The following SORCS1 variants were observed in gnomAD, a reference collection of about 807,000 sequenced individuals.
SORCS1 encodes VPS10 domain-containing receptor SorCS1.
SORCS1 carries 60 observed loss-of-function variants against 146.1 expected under a neutral mutation model. That is an observed-to-expected ratio of 0.41 (90% CI 0.33 to 0.51). The LOEUF is 0.51. Among genes scored for constraint, SORCS1 ranks in the 20% least tolerant of loss-of-function variants. The pLI is 0.21. For synonymous variants in SORCS1, 637 were observed against 584.0 expected, an observed-to-expected ratio of 1.09 and a Z score of -1.31; for missense variants, 1,352 against 1,487.6, an observed-to-expected ratio of 0.91 and a Z score of 1.50.
At chr10:106,762,396 T>TA (rs1362691393) in intron 4 of SORCS1, among the ~76,000 whole-genome samples, 1 of 129,474 alleles carries the variant, frequency 7.7e-6, no homozygotes, top group Non-Finnish European at 1.6e-5. Context: ...CTTTTTTTTT[T>TA]TTTTTTTTTT....
At chr10:106,800,353 A>C (rs963918855) in intron 3 of SORCS1, among the ~76,000 whole-genome samples, 1 of 152,094 alleles carries the variant, frequency 6.6e-6, no homozygotes, top group Admixed American at 6.5e-5. Context: ...ATATGACTGT[A>C]AGACTTCCTA....
chr10:107,027,181 A>G (rs1958446086), intron 1 of SORCS1, among the ~76,000 whole-genome samples: 1 of 151,762 alleles, frequency 6.6e-6, no homozygotes. Flanking sequence ...TGTGATTCGT[A>G]AAATATTCAC....
At chr10:106,800,536 TTTTA>T (rs1264603040) in intron 3 of SORCS1, among the ~76,000 whole-genome samples, 4 of 135,144 alleles carry the variant, frequency 3.0e-5, no homozygotes, top group African/African-American at 5.4e-5. Flanking sequence ...TTTTTTTTTT[TTTTA>T]AGATGGAGTC....
At chr10:107,069,989 C>G (rs565057338) in intron 1 of SORCS1, among the ~76,000 whole-genome samples, 1 of 152,286 alleles carries the variant, frequency 6.6e-6, no homozygotes, top group South Asian at 2.1e-4. Context: ...TCCTAATTCC[C>G]CAGCCCCTGA....
chr10:107,167,766 T>G (rs536792221), upstream of SORCS1, among the ~76,000 whole-genome samples: 18 of 152,048 alleles, frequency 1.2e-4, no homozygotes, highest in South Asian at 2.9e-3. Flanking sequence ...TATATACAGT[T>G]TTATATACAA....
chr10:106,916,575 T>C (rs568160334), intron 2 of SORCS1, among the ~76,000 whole-genome samples: 7,554 of 142,806 alleles, frequency 0.053, 246 homozygotes, highest in African/African-American at 0.071. Flanking sequence ...TGCATATATA[T>C]ACACACACAC....
At chr10:106,685,467 G>T (rs2135600992) in intron 10 of SORCS1, among the ~76,000 whole-genome samples, 1 of 152,266 alleles carries the variant, frequency 6.6e-6, no homozygotes, top group South Asian at 2.1e-4. Flanking sequence ...AAGAAAAAAA[G>T]AGTTAAGACA....
At chr10:106,962,763 T>A (rs1417931170) in intron 1 of SORCS1, among the ~76,000 whole-genome samples, 2 of 152,166 alleles carry the variant, frequency 1.3e-5, no homozygotes, top group East Asian at 3.9e-4. Context: ...ATACTAATGG[T>A]CATAATTGCT....
intron 1 of SORCS1, among the ~76,000 whole-genome samples, chr10:107,043,954 C>T (rs1959195568): frequency 6.6e-6 from 1 of 152,216 alleles, no homozygotes; most frequent in South Asian, 2.1e-4. Flanking sequence ...AGGACTTCCA[C>T]AGCTTGTCCA....
intron 18 of SORCS1, among the ~76,000 whole-genome samples, chr10:106,635,233 A>C (rs1848661807): frequency 6.6e-6 from 1 of 152,198 alleles, no homozygotes; most frequent in African/African-American, 2.4e-5. Flanking sequence ...TGAGACTCCA[A>C]GATGTCCCTT....
intron 1 of SORCS1, among the ~76,000 whole-genome samples, chr10:107,056,135 A>G (rs1187759960): frequency 4.6e-5 from 7 of 152,216 alleles, no homozygotes; most frequent in Non-Finnish European, 8.8e-5. Context: ...GGGGGGCTTC[A>G]ATCACAATAA....
chr10:106,763,536 G>A (rs957635595), intron 4 of SORCS1, among the ~76,000 whole-genome samples: 1 of 152,168 alleles, frequency 6.6e-6, no homozygotes, highest in Non-Finnish European at 1.5e-5. Context: ...TTTCGGTCCT[G>A]GTGGGCTGGC....
intron 1 of SORCS1, among the ~76,000 whole-genome samples, chr10:107,137,391 C>T (rs997894137): frequency 1.3e-5 from 2 of 152,184 alleles, no homozygotes; most frequent in African/African-American, 4.8e-5. Context: ...TCTGCATCCT[C>T]CATCCCCGAC....
At chr10:106,598,018 C>T (rs891025121) in intron 23 of SORCS1, among the ~76,000 whole-genome samples, 9 of 152,138 alleles carry the variant, frequency 5.9e-5, no homozygotes, top group Non-Finnish European at 7.4e-5. Context: ...GGCTGACACA[C>T]GGATACCGGG....
chr10:106,691,210 T>C (rs888594044), intron 9 of SORCS1, among the ~76,000 whole-genome samples: 2 of 152,060 alleles, frequency 1.3e-5, no homozygotes, highest in African/African-American at 4.8e-5. Context: ...TGGGGTAGGG[T>C]GGGGTAAAGT....
intron 18 of SORCS1, among the ~76,000 whole-genome samples, chr10:106,643,895 C>T (rs1204873993): frequency 6.6e-6 from 1 of 152,162 alleles, no homozygotes; most frequent in African/African-American, 2.4e-5. Context: ...TCAGATCTTG[C>T]TATATTGTGT....
At chr10:107,119,507 T>A (rs898261681) in intron 1 of SORCS1, among the ~76,000 whole-genome samples, 1 of 152,240 alleles carries the variant, frequency 6.6e-6, no homozygotes, top group Admixed American at 6.5e-5. Flanking sequence ...TTTGAAAATG[T>A]TACTTTGCTT....
chr10:106,814,348 C>T (rs989931074), intron 3 of SORCS1, among the ~76,000 whole-genome samples: 1 of 152,122 alleles, frequency 6.6e-6, no homozygotes, highest in Non-Finnish European at 1.5e-5. Context: ...GAGGGATCAG[C>T]CTGAAGAACA....
At chr10:106,779,515 T>G (rs1210855458) in intron 3 of SORCS1, among the ~76,000 whole-genome samples, 3 of 151,888 alleles carry the variant, frequency 2.0e-5, no homozygotes, top group African/African-American at 7.3e-5. Flanking sequence ...TTTATTCTGG[T>G]TTTTTCTTTT....
Sources: gnomAD v4.1 joint callset for allele counts (sites outside exome capture counted in the v4.1 genomes callset) on GRCh38, gnomAD v4.1.1 for gene constraint, MANE v1.5 for transcripts, NCBI Gene and HGNC (gene_info 2026-07-23, HGNC 2026-07-21) for gene names.